The following MAP3K3 variants were observed in gnomAD, a reference collection of about 807,000 sequenced individuals.
The protein encoded by MAP3K3 is mitogen-activated protein kinase kinase kinase 3.
In MAP3K3, 12 loss-of-function variants were observed where a neutral mutation model predicts 80.9. That is an observed-to-expected ratio of 0.15 (90% CI 0.10 to 0.24). The LOEUF (loss-of-function observed/expected upper bound fraction) is 0.24. Ranked by LOEUF, MAP3K3 falls within the 10% of genes least tolerant of loss-of-function variation. The probability of loss-of-function intolerance (pLI) is 1.00; values close to 1 mark genes in which losing one functional copy is unlikely to be tolerated. For missense variants in MAP3K3, 596 were observed against 834.7 expected (o/e 0.71, Z 3.52); for synonymous variants, 272 against 307.1 (o/e 0.89, Z 1.19).
Position 63,691,298 on chromosome 17 carries a change from T to G in MAP3K3, c.1344+65T>G, listed in dbSNP as rs1394638377. 2.5e-6 allele frequency: 4 copies of G among 1,604,522 alleles called. No individual in the cohort carries two copies. In the East Asian group the frequency reaches 6.7e-5, roughly 27 times the overall value. ...AGGGCCTGACCTGGGGGCTGGGGCC[T>G]GCAGGAGGGGGGTCACCTTGGATAG... On this transcript the variant is annotated intron_variant, in intron 13 of 15. Coordinates refer to ENST00000361733, the MANE Select transcript of MAP3K3 (RefSeq NM_002401.5). This position sits in a 1 kb window ranked among gnomAD's most constrained non-coding sequence, Gnocchi z 4.8.
At chr17:63,688,182 T>C (rs899018181) in intron 8 of MAP3K3, 1 of 350,180 alleles carries the variant, frequency 2.9e-6, no homozygotes, top group Non-Finnish European at 5.3e-6. Flanking sequence ...ACGATGATGC[T>C]GTGGCTGTTT....
chr17:63,672,556 T>C (rs2035133183), intron 6 of MAP3K3, among the ~76,000 whole-genome samples: 1 of 152,086 alleles, frequency 6.6e-6, no homozygotes, highest in Non-Finnish European at 1.5e-5. Flanking sequence ...AAATCAGGGC[T>C]AGTGAAAAAA....
At chr17:63,681,027 A>G (rs1368159692) in intron 6 of MAP3K3, among the ~76,000 whole-genome samples, 1 of 151,970 alleles carries the variant, frequency 6.6e-6, no homozygotes, top group African/African-American at 2.4e-5. Context: ...GTGAATGTGT[A>G]ACAAAAAGTA....
At position 63,688,789 on chromosome 17, in the gene MAP3K3, A is replaced by G. The variant is rs200364244; in HGVS notation, c.779A>G (p.Asp260Gly). ...CCAGTGATTCCCCTGTCTTACTCAG[A>G]TCGGGAAACTCAGCTTTATGACAAA... ...SFPDNRQEYSDRETQLYDKGV... is the reference protein window; with the variant it reads ...SFPDNRQEYSGRETQLYDKGV... The change falls in exon 10 of 16, where the codon GAT becomes GGT. Residue 260 changes from aspartate to glycine, a missense_variant and splice_region_variant. Physicochemically the swap from Asp to Gly is moderately conservative, Grantham distance 94 (BLOSUM62 -1). Around this residue, in one of 2 missense-constraint regions of MAP3K3, gnomAD observed 364 missense variants for 588.9 expected, o/e 0.62. Transcript: ENST00000361733. 6 of 1,611,508 alleles carry G rather than the reference A, an allele frequency of 3.7e-6. No individual in the cohort carries two copies. In the Admixed American group the frequency reaches 1.0e-4, roughly 27 times the overall value.
chr17:63,684,607 A>G (rs2035409184), intron 7 of MAP3K3, among the ~76,000 whole-genome samples: 1 of 152,164 alleles, frequency 6.6e-6, no homozygotes, highest in African/African-American at 2.4e-5. Context: ...TCGTTAGTGA[A>G]TTTTCATAAT....
chr17:63,661,861 T>C (rs1045004056), intron 5 of MAP3K3, among the ~76,000 whole-genome samples: 1 of 152,136 alleles, frequency 6.6e-6, no homozygotes, highest in Non-Finnish European at 1.5e-5. Context: ...CCCAGCACTT[T>C]GGGAGGCCGA....
At chr17:63,651,766 C>T (rs2034661679) in intron 3 of MAP3K3, among the ~76,000 whole-genome samples, 3 of 152,192 alleles carry the variant, frequency 2.0e-5, no homozygotes. Flanking sequence ...AATGTCAATA[C>T]TAGTTACATG....
intron 2 of MAP3K3, among the ~76,000 whole-genome samples, chr17:63,642,292 G>A (rs1046562793): frequency 6.6e-6 from 1 of 152,130 alleles, no homozygotes; most frequent in African/African-American, 2.4e-5. Flanking sequence ...GTTATGGCTC[G>A]TTATGAAATA....
chr17:63,640,888 A>G (rs2034426708), intron 2 of MAP3K3, among the ~76,000 whole-genome samples: 1 of 152,196 alleles, frequency 6.6e-6, no homozygotes, highest in Admixed American at 6.5e-5. Flanking sequence ...CTAACTTTTA[A>G]GAGGTCCAGG....
At chr17:63,684,395 C>T (rs947559497) in intron 7 of MAP3K3, among the ~76,000 whole-genome samples, 7 of 152,142 alleles carry the variant, frequency 4.6e-5, no homozygotes, top group South Asian at 4.1e-4. Context: ...CAATTCTCTC[C>T]GATGTTGGTT....
chr17:63,627,864 G>T (rs931898589), intron 1 of MAP3K3, among the ~76,000 whole-genome samples: 5 of 151,806 alleles, frequency 3.3e-5, no homozygotes, highest in African/African-American at 4.8e-5. Flanking sequence ...ACTTACAGGT[G>T]TGAGCCAATG....
In MAP3K3 at chr17:63,626,754, T is replaced by G. The variant is rs2034110679; in HGVS notation, c.4+3991T>G. On this transcript the variant is annotated intron_variant, in intron 1 of 15. Transcript: ENST00000361733. The stretch of plus-strand genomic sequence containing the variant: ...TCATGAAGAGAAAGTAAAATCTGAC[T>G]CAGGGACACTGAAGCACAGACTCTC... Among the ~76,000 whole-genome samples, 4 of 152,214 alleles carry G rather than the reference T, an allele frequency of 2.6e-5. No homozygotes were observed. In the South Asian group the frequency reaches 8.3e-4, roughly 31 times the overall value.
rs1244811932 is a variant in MAP3K3 at position 63,652,572 on chromosome 17, C to T, written c.183C>T (p.Ser61=). 1.4e-5 allele frequency: 22 copies of T among 1,613,050 alleles called. No individual in the cohort carries two copies. The East Asian group carries it at 4.2e-4, about 31-fold the overall frequency. ...HNGERRIIAF[S]RPVKYEDVEH... ...TTCTTTTCAGAATTATAGCGTTCAG[C>T]CGGCCTGTGAAATATGAAGATGTGG... is the stretch of plus-strand genomic sequence containing the variant. Residue 61 remains serine (S), a synonymous_variant, in exon 4 of 16, where the codon AGC becomes AGT. Coordinates refer to ENST00000361733, the MANE Select transcript of MAP3K3 (RefSeq NM_002401.5).
chr17:63,625,368 T>A (rs2034079542), intron 1 of MAP3K3, among the ~76,000 whole-genome samples: 1 of 152,248 alleles, frequency 6.6e-6, no homozygotes, highest in Non-Finnish European at 1.5e-5. Context: ...CAGAATTCAT[T>A]TCCAGATTTA....
chr17:63,681,091 TAGTG>T (rs1398559429), intron 6 of MAP3K3, among the ~76,000 whole-genome samples: 3 of 144,232 alleles, frequency 2.1e-5, no homozygotes, highest in Non-Finnish European at 4.5e-5. Flanking sequence ...CTGAGCAACA[TAGTG>T]AGACCCTGTC....
Position 63,691,025 on chromosome 17 carries a change from T to C in MAP3K3, c.1213-77T>C. 6.3e-7 allele frequency: 1 copy of C among 1,582,384 alleles called. No homozygotes were observed. The highest frequency in any genetic ancestry group is 8.6e-7 in the Non-Finnish European group (1 of 1,158,384). ...GGCAGATCCCTGTGAGGCCACTAAC[T>C]AGGGCAAGCTGAGCTGAACCCAGGC... On this transcript the variant is annotated intron_variant, in intron 12 of 15. Coordinates refer to ENST00000361733, the MANE Select transcript of MAP3K3 (RefSeq NM_002401.5). This position sits in a 1 kb window ranked among gnomAD's most constrained non-coding sequence, Gnocchi z 4.8.
chr17:63,637,037 A>C, intron 2 of MAP3K3: 2 of 538,792 alleles, frequency 3.7e-6, no homozygotes, highest in South Asian at 3.9e-5. Context: ...GGTGGGGACA[A>C]ACTTTCTGGA....
intron 3 of MAP3K3, among the ~76,000 whole-genome samples, 181 bp from the exon 4 acceptor site, chr17:63,652,376 A>G (rs2034673955): frequency 6.6e-6 from 1 of 152,190 alleles, no homozygotes; most frequent in South Asian, 2.1e-4. Context: ...ATAGATGCTC[A>G]GAGGGTGAAA....
intron 4 of MAP3K3, among the ~76,000 whole-genome samples, chr17:63,657,540 C>G (rs961878099): frequency 1.3e-5 from 2 of 151,884 alleles, no homozygotes; most frequent in African/African-American, 2.4e-5. Context: ...TGTTGGAGTT[C>G]TGGAAATGTT....
Sources: allele counts gnomAD v4.1 joint callset (sites outside exome capture counted in the v4.1 genomes callset), GRCh38; gene constraint gnomAD v4.1.1; regional missense constraint gnomAD v4.1.1; non-coding constraint Gnocchi (gnomAD v3.1); transcripts MANE v1.5; gene names NCBI Gene and HGNC (gene_info 2026-07-23, HGNC 2026-07-21).